The following ZBTB7C variants were observed in gnomAD, a reference collection of about 807,000 sequenced individuals.
The protein encoded by ZBTB7C is zinc finger and BTB domain containing 7C.
A neutral mutation model predicts 25.7 loss-of-function variants in ZBTB7C; 8 were observed. The observed-to-expected ratio is 0.31, with a 90% CI of 0.18 to 0.56. The LOEUF (loss-of-function observed/expected upper bound fraction) is 0.56, where lower values mean the gene tolerates loss of function less well. Ranked by LOEUF, ZBTB7C falls within the 20% of genes least tolerant of loss-of-function variation. The pLI is 0.91. For synonymous variants in ZBTB7C, 394 were observed against 369.0 expected, an observed-to-expected ratio of 1.07 and a Z score of -0.78; for missense variants, 824 against 855.2, an observed-to-expected ratio of 0.96 and a Z score of 0.46.
chr18:48,123,546 G>C (rs2039699367), intron 3 of ZBTB7C, among the ~76,000 whole-genome samples: 1 of 152,228 alleles, frequency 6.6e-6, no homozygotes, highest in South Asian at 2.1e-4. Flanking sequence ...GGTAGGGCTG[G>C]CATTGCTGCA....
intron 2 of ZBTB7C, among the ~76,000 whole-genome samples, chr18:48,314,012 G>A (rs1402345903): frequency 1.3e-5 from 2 of 152,108 alleles, no homozygotes; most frequent in Non-Finnish European, 2.9e-5. Flanking sequence ...ATAGCTCCCT[G>A]TCACCACCTG....
rs11375714 is a variant in ZBTB7C at position 48,156,822 on chromosome 18, CT to C, written c.-17+29111del. On this transcript the variant is annotated intron_variant, in intron 3 of 4. Coordinates refer to ENST00000590800, the MANE Select transcript of ZBTB7C (RefSeq NM_001318841.2). ...TAAAGTTTAAGTCCCCCTTAGAACA[CT>C]TTTTTTTTTTCCCCGAGAGCGAGTG... Among the ~76,000 whole-genome samples the C allele has an allele frequency of 4.1e-3, 615 of 148,328 alleles. 6 individuals carry two copies. The highest frequency in any genetic ancestry group is 0.012 in the African/African-American group (482 of 40,352).
intron 3 of ZBTB7C, among the ~76,000 whole-genome samples, chr18:48,102,809 A>G (rs1393938027): frequency 1.3e-5 from 2 of 151,912 alleles, no homozygotes; most frequent in African/African-American, 4.8e-5. Flanking sequence ...GCCTGTGGCT[A>G]CATTGCATTT....
intron 2 of ZBTB7C, among the ~76,000 whole-genome samples, chr18:48,273,241 C>A (rs2044544424): frequency 6.6e-6 from 1 of 151,562 alleles, no homozygotes; most frequent in African/African-American, 2.4e-5. Flanking sequence ...TATAAAGGGC[C>A]AAGAATTGCT....
chr18:48,288,465 T>C (rs1255898669), intron 2 of ZBTB7C, among the ~76,000 whole-genome samples: 1 of 146,156 alleles, frequency 6.8e-6, no homozygotes, highest in Non-Finnish European at 1.5e-5. Context: ...CTGGCCAACA[T>C]GGTGAAATAC....
At chr18:48,326,708 G>C (rs889873399) in intron 2 of ZBTB7C, among the ~76,000 whole-genome samples, 1 of 152,166 alleles carries the variant, frequency 6.6e-6, no homozygotes, top group African/African-American at 2.4e-5. Flanking sequence ...GTATTCAATA[G>C]GCTATGTTTT....
intron 3 of ZBTB7C, among the ~76,000 whole-genome samples, chr18:48,115,729 G>T (rs1012849078): frequency 6.6e-6 from 1 of 152,110 alleles, no homozygotes; most frequent in African/African-American, 2.4e-5. Context: ...ATATATCTAG[G>T]AGTGAAATAT....
At chr18:48,203,619 T>A (rs2042508340) in intron 2 of ZBTB7C, 1 of 152,192 alleles carries the variant, frequency 6.6e-6, no homozygotes, top group Non-Finnish European at 1.5e-5. Context: ...CAGGGCTAAA[T>A]CTTTTGGTGT....
chr18:48,348,743 G>C (rs1054164955), intron 1 of ZBTB7C, among the ~76,000 whole-genome samples: 1 of 152,250 alleles, frequency 6.6e-6, no homozygotes, highest in Non-Finnish European at 1.5e-5. Flanking sequence ...CTTCAACCTG[G>C]GAGGCAGAGG....
chr18:48,033,614 C>G (rs540106939), intron 4 of ZBTB7C, among the ~76,000 whole-genome samples: 1 of 152,344 alleles, frequency 6.6e-6, no homozygotes, highest in African/African-American at 2.4e-5. Flanking sequence ...AGAGGATCAT[C>G]TAGTTTACCA....
intron 2 of ZBTB7C, among the ~76,000 whole-genome samples, chr18:48,223,655 G>T (rs2145310130): frequency 6.6e-6 from 1 of 152,310 alleles, no homozygotes; most frequent in East Asian, 1.9e-4. Flanking sequence ...CATACAAAGA[G>T]GTGGCCAGGA....
At chr18:48,055,072 C>T (rs2036857201) in intron 3 of ZBTB7C, among the ~76,000 whole-genome samples, 1 of 151,986 alleles carries the variant, frequency 6.6e-6, no homozygotes, top group South Asian at 2.1e-4. Flanking sequence ...GTAAGAGTAA[C>T]CCACAGCAAA....
At chr18:48,147,339 G>C (rs1344909793) in intron 3 of ZBTB7C, among the ~76,000 whole-genome samples, 1 of 151,918 alleles carries the variant, frequency 6.6e-6, no homozygotes, top group African/African-American at 2.4e-5. Context: ...CGGCCTTTCG[G>C]AGTGCTGGGA....
chr18:48,295,585 A>G (rs1303265208), intron 2 of ZBTB7C, among the ~76,000 whole-genome samples: 1 of 152,002 alleles, frequency 6.6e-6, no homozygotes, highest in East Asian at 1.9e-4. Flanking sequence ...AGTCAGGCAC[A>G]ATTGACCCAC....
At chr18:48,187,607 A>T (rs2042088089) in intron 2 of ZBTB7C, among the ~76,000 whole-genome samples, 1 of 152,092 alleles carries the variant, frequency 6.6e-6, no homozygotes, top group Non-Finnish European at 1.5e-5. Context: ...AGGTCAGGAG[A>T]TCGAGACCAT....
intron 2 of ZBTB7C, among the ~76,000 whole-genome samples, chr18:48,217,414 G>A (rs140724989): frequency 2.0e-3 from 299 of 152,170 alleles, no homozygotes; most frequent in African/African-American, 6.6e-3. Context: ...CTCCTGCAGC[G>A]TAAGCACAGG....
In ZBTB7C at chr18:48,278,371, T is replaced by A. The variant is rs966411597; in HGVS notation, c.-79+59803A>T. Among the ~76,000 whole-genome samples, 30 of 151,896 alleles carry A rather than the reference T, an allele frequency of 2.0e-4. 1 individual carries two copies. The East Asian group carries it at 5.1e-3, about 26-fold the overall frequency. ...GAGTGGCACCATCTTGGATCGTCTA[T>A]CCCCAGTTGAGTAACCCAAGTAGAA... is the stretch of plus-strand genomic sequence containing the variant. On this transcript the variant is annotated intron_variant, in intron 2 of 4. Coordinates refer to ENST00000590800, the MANE Select transcript of ZBTB7C (RefSeq NM_001318841.2).
At chr18:48,293,009 G>A (rs2045278761) in intron 2 of ZBTB7C, among the ~76,000 whole-genome samples, 1 of 152,264 alleles carries the variant, frequency 6.6e-6, no homozygotes, top group South Asian at 2.1e-4. Flanking sequence ...CTTGAGACAG[G>A]AACTGTGTCT....
chr18:48,282,318 G>GC (rs1254755480), intron 2 of ZBTB7C, among the ~76,000 whole-genome samples: 13 of 109,364 alleles, frequency 1.2e-4, no homozygotes, highest in South Asian at 4.2e-4. Flanking sequence ...TTGTGGGGTG[G>GC]GGGGAGGGGG....
Sources: allele counts gnomAD v4.1 joint callset (sites outside exome capture counted in the v4.1 genomes callset), GRCh38; gene constraint gnomAD v4.1.1; transcripts MANE v1.5; gene names NCBI Gene and HGNC (gene_info 2026-07-23, HGNC 2026-07-21).